THADA: variants seen among roughly 807,000 people sequenced by gnomAD.
The protein encoded by THADA is tRNA (32-2'-O)-methyltransferase regulator THADA.
THADA carries 213 observed loss-of-function variants against 219.8 expected under a neutral mutation model. The ratio of observed to expected loss-of-function variants is 0.97; its 90% CI spans 0.87 to 1.09. THADA has a LOEUF of 1.09. THADA is among the 50% of genes least tolerant of loss of function. The pLI is 0.00. For missense variants in THADA, 2,956 were observed against 2,311.3 expected, an observed-to-expected ratio of 1.28 and a Z score of -5.72; for synonymous variants, 1,018 against 828.9, an observed-to-expected ratio of 1.23 and a Z score of -3.92.
chr2:43,279,228 C>T (rs1008125102), intron 36 of THADA, among the ~76,000 whole-genome samples: 22 of 152,174 alleles, frequency 1.4e-4, no homozygotes, highest in Admixed American at 9.8e-4. Context: ...AGCTAGGGTG[C>T]TCTTCTTTCC....
At chr2:43,500,926 C>T (rs140833710) in intron 24 of THADA, among the ~76,000 whole-genome samples, 4 of 152,114 alleles carry the variant, frequency 2.6e-5, no homozygotes, top group Admixed American at 2.6e-4. Context: ...TCTTCTCAAA[C>T]AGCAACAGAT....
At chr2:43,276,476 T>G (rs1672738558) in intron 36 of THADA, among the ~76,000 whole-genome samples, 1 of 152,132 alleles carries the variant, frequency 6.6e-6, no homozygotes, top group Non-Finnish European at 1.5e-5. Flanking sequence ...ACTAATCAAA[T>G]CTAGACCTAA....
intron 25 of THADA, among the ~76,000 whole-genome samples, 197 bp downstream of exon 25, chr2:43,498,636 G>A (rs1360977680): frequency 6.6e-6 from 1 of 151,830 alleles, no homozygotes; most frequent in African/African-American, 2.4e-5. Context: ...AAGAAAGATG[G>A]CTAACAAGCC....
chr2:43,242,894 C>A (rs1668761653), intron 36 of THADA, among the ~76,000 whole-genome samples: 1 of 152,194 alleles, frequency 6.6e-6, no homozygotes, highest in African/African-American at 2.4e-5. Context: ...CCATTCTGTG[C>A]CCCTCCTCCA....
chr2:43,247,191 T>A (rs1400468479), intron 36 of THADA, among the ~76,000 whole-genome samples: 1 of 152,198 alleles, frequency 6.6e-6, no homozygotes, highest in African/African-American at 2.4e-5. Flanking sequence ...GCAGGCTGTT[T>A]TCTACTTTTC....
intron 29 of THADA, among the ~76,000 whole-genome samples, chr2:43,386,520 G>A (rs1672708208): frequency 6.6e-6 from 1 of 152,154 alleles, no homozygotes; most frequent in Non-Finnish European, 1.5e-5. Flanking sequence ...AGAGTCAAGT[G>A]ACAGATTTAC....
At chr2:43,418,408 A>G (rs1677278080) in intron 28 of THADA, among the ~76,000 whole-genome samples, 1 of 152,234 alleles carries the variant, frequency 6.6e-6, no homozygotes, top group South Asian at 2.1e-4. Context: ...AGTCACTGAC[A>G]GCGGGAGGAA....
chr2:43,589,823 T>C (rs543488632), intron 4 of THADA, among the ~76,000 whole-genome samples: 32 of 150,160 alleles, frequency 2.1e-4, no homozygotes, highest in Non-Finnish European at 3.3e-4. Context: ...CAAAAACCTA[T>C]CGAAATGAAA....
chr2:43,254,345 G>A (rs969560715), intron 36 of THADA, among the ~76,000 whole-genome samples: 10 of 151,872 alleles, frequency 6.6e-5, no homozygotes, highest in Non-Finnish European at 8.8e-5. Context: ...AGGTCCTTGG[G>A]ACACTGTTTG....
chr2:43,454,602 A>AACACACACACACAC (rs35970227), intron 26 of THADA, among the ~76,000 whole-genome samples: 1 of 148,976 alleles, frequency 6.7e-6, no homozygotes, highest in Non-Finnish European at 1.5e-5. Flanking sequence ...ACCCTGTCTA[A>AACACACACACACAC]ACACACACAC....
At chr2:43,479,304 T>A (rs1292464486) in intron 26 of THADA, among the ~76,000 whole-genome samples, 1 of 152,198 alleles carries the variant, frequency 6.6e-6, no homozygotes, top group Non-Finnish European at 1.5e-5. Flanking sequence ...AAAATAACCA[T>A]TAAATTCTAT....
At position 43,485,302 on chromosome 2, in the gene THADA, G is replaced by A; in HGVS notation, c.3768C>T (p.Leu1256=). The A allele has an allele frequency of 6.2e-7, 1 of 1,612,988 alleles. No homozygotes were observed. Among genetic ancestry groups the A allele is most frequent in the Non-Finnish European group, 8.5e-7 (1 of 1,179,372 alleles). ...VWAVRNSSTL[L]FSALITRIFG... is the part of the protein sequence containing the mutation. ...AAATTCTTGTGATCAAGGCACTAAA[G>A]AGAAGTGTGGATGAATTTCGCACCT... Residue 1256 remains leucine (L), a synonymous_variant, in exon 26 of 38, where the codon CTC becomes CTT. Transcript: ENST00000405975.
intron 36 of THADA, among the ~76,000 whole-genome samples, chr2:43,250,769 A>G (rs1222592852): frequency 1.3e-5 from 2 of 152,206 alleles, no homozygotes; most frequent in Non-Finnish European, 2.9e-5. Flanking sequence ...ATGGGGATGG[A>G]GCAGGATAGT....
chr2:43,426,772 A>G (rs574185713), intron 28 of THADA, among the ~76,000 whole-genome samples: 4 of 152,092 alleles, frequency 2.6e-5, no homozygotes, highest in Non-Finnish European at 5.9e-5. Context: ...CATAAGAAAT[A>G]CTCTCTTGAG....
At chr2:43,535,826 TTTTG>T (rs1392172613) in intron 21 of THADA, among the ~76,000 whole-genome samples, 6 of 152,058 alleles carry the variant, frequency 3.9e-5, no homozygotes, top group Non-Finnish European at 5.9e-5. Context: ...TGTTTTTTGT[TTTTG>T]TTTGTTTTTG....
intron 22 of THADA, among the ~76,000 whole-genome samples, chr2:43,519,985 T>C (rs904917746): frequency 1.3e-5 from 2 of 152,204 alleles, no homozygotes; most frequent in Admixed American, 6.5e-5. Flanking sequence ...GTGTTTATGA[T>C]AATGAAGGAA....
intron 26 of THADA, among the ~76,000 whole-genome samples, chr2:43,464,300 A>T (rs1238900029): frequency 6.6e-6 from 1 of 151,922 alleles, no homozygotes; most frequent in Non-Finnish European, 1.5e-5. Context: ...ACTCTTACTC[A>T]TCTATAAAAC....
chr2:43,413,476 T>C (rs979237354), intron 28 of THADA, among the ~76,000 whole-genome samples: 2 of 152,224 alleles, frequency 1.3e-5, no homozygotes, highest in Non-Finnish European at 2.9e-5. Context: ...AAATATATGC[T>C]TGGCTACTTA....
chr2:43,307,809 C>CA (rs1485367765), intron 31 of THADA, among the ~76,000 whole-genome samples: 1 of 152,030 alleles, frequency 6.6e-6, no homozygotes, highest in African/African-American at 2.4e-5. Flanking sequence ...AAATTATAAG[C>CA]ACGCAAAGAA....
Sources: allele counts gnomAD v4.1 joint callset (sites outside exome capture counted in the v4.1 genomes callset), GRCh38; gene constraint gnomAD v4.1.1; transcripts MANE v1.5; gene names NCBI Gene and HGNC (gene_info 2026-07-23, HGNC 2026-07-21).